The following LDLRAD4 variants were observed in gnomAD, a reference collection of about 807,000 sequenced individuals.
LDLRAD4 encodes the protein low density lipoprotein receptor class A domain containing 4, also known as low-density lipoprotein receptor class A domain-containing protein 4.
LDLRAD4 carries 5 observed loss-of-function variants against 17.0 expected under a neutral mutation model. The observed-to-expected ratio is 0.29, with a 90% CI of 0.15 to 0.62. The LOEUF (loss-of-function observed/expected upper bound fraction) is 0.62, where lower values mean the gene tolerates loss of function less well. Ranked by LOEUF, LDLRAD4 falls within the 20% of genes least tolerant of loss-of-function variation. The pLI is 0.84. For synonymous variants in LDLRAD4, 168 were observed against 171.8 expected, an observed-to-expected ratio of 0.98 and a Z score of 0.17; for missense variants, 340 against 424.7, an observed-to-expected ratio of 0.80 and a Z score of 1.75.
At position 13,321,250 on chromosome 18, in the gene LDLRAD4, C is replaced by G. The variant is rs74741533; in HGVS notation, c.-383+43062C>G. 1.5e-4 allele frequency among the ~76,000 whole-genome samples: 23 copies of G among 152,332 alleles called. No homozygotes were observed. In the East Asian group the frequency reaches 4.4e-3, roughly 29 times the overall value. ...CTCAGCCCTGCATCTCCCCCAGAGG[C>G]CTATGCGCGGTTTGGCTGCCCGGCC... On this transcript the variant is annotated intron_variant, in intron 1 of 5. Coordinates refer to ENST00000359446, the Ensembl canonical transcript of LDLRAD4.
intron 1 of LDLRAD4, among the ~76,000 whole-genome samples, chr18:13,219,887 G>C (rs2041357670): frequency 6.6e-6 from 1 of 152,172 alleles, no homozygotes; most frequent in Non-Finnish European, 1.5e-5. Context: ...TCTGTATATG[G>C]TATTGTCTTT....
intron 3 of LDLRAD4, among the ~76,000 whole-genome samples, chr18:13,477,986 C>A (rs566116824): frequency 3.3e-5 from 5 of 152,240 alleles, no homozygotes; most frequent in Non-Finnish European, 7.3e-5. Context: ...TTTTACTCAT[C>A]TGCTCCCACT....
intron 3 of LDLRAD4, chr18:13,472,264 G>A (rs2092798599): frequency 6.6e-6 from 1 of 152,310 alleles, no homozygotes; most frequent in Non-Finnish European, 1.5e-5. Context: ...AGATCCCAGG[G>A]CTGTCGAGCT....
At chr18:13,557,114 G>A (rs970924181) in intron 3 of LDLRAD4, among the ~76,000 whole-genome samples, 3 of 151,078 alleles carry the variant, frequency 2.0e-5, no homozygotes, top group South Asian at 2.1e-4. Context: ...AGCCAACACC[G>A]CAAACCCTAT....
rs148971574 is a variant in LDLRAD4 at position 13,569,583 on chromosome 18, C to A, written c.182-51534C>A. Among the ~76,000 whole-genome samples the A allele has an allele frequency of 1.6e-4, 24 of 152,272 alleles. No homozygotes were observed. The East Asian group carries it at 4.6e-3, about 29-fold the overall frequency. On this transcript the variant is annotated intron_variant, in intron 3 of 5. Transcript: ENST00000359446. ...TGATAGAAACGAATGATTGTACCAACAACTTAAATTTCCCTTGGGGCTGGG... is the reference window on the plus strand; with the variant it reads ...TGATAGAAACGAATGATTGTACCAAAAACTTAAATTTCCCTTGGGGCTGGG...
intron 3 of LDLRAD4, among the ~76,000 whole-genome samples, chr18:13,576,294 C>T (rs547031107): frequency 2.0e-5 from 3 of 151,826 alleles, no homozygotes; most frequent in South Asian, 2.1e-4. Context: ...TGGTGGCGGG[C>T]GCCTGTAGTC....
chr18:13,637,593 T>C (rs1160268887), intron 4 of LDLRAD4, among the ~76,000 whole-genome samples: 1 of 152,042 alleles, frequency 6.6e-6, no homozygotes, highest in Non-Finnish European at 1.5e-5. Context: ...AGGCTGGGCG[T>C]GGTGGCTCAG....
At chr18:13,451,700 C>G (rs755980105) in intron 3 of LDLRAD4, among the ~76,000 whole-genome samples, 1 of 152,124 alleles carries the variant, frequency 6.6e-6, no homozygotes, top group South Asian at 2.1e-4. Flanking sequence ...CAGTGTCTGG[C>G]GAGGGCTTGC....
intron 1 of LDLRAD4, among the ~76,000 whole-genome samples, chr18:13,379,825 T>A (rs2145056594): frequency 6.6e-6 from 1 of 152,270 alleles, no homozygotes; most frequent in East Asian, 1.9e-4. Flanking sequence ...ATGAGACAGC[T>A]CCCCCTCCCT....
chr18:13,612,381 GGT>G, intron 3 of LDLRAD4: 1 of 1,175,822 alleles, frequency 8.5e-7, no homozygotes, highest in East Asian at 4.9e-5. Context: ...TTCTCTGCTC[GGT>G]GACACGGCCG....
chr18:13,507,346 A>C (rs1174131115), intron 3 of LDLRAD4, among the ~76,000 whole-genome samples: 1 of 152,108 alleles, frequency 6.6e-6, no homozygotes, highest in East Asian at 1.9e-4. Context: ...AAGTCCCCAT[A>C]GTCCATTATA....
In LDLRAD4 at chr18:13,408,213, A is replaced by G. The variant is rs553586488; in HGVS notation, c.40+20451A>G. On this transcript the variant is annotated intron_variant, in intron 2 of 5. Coordinates refer to ENST00000359446, the Ensembl canonical transcript of LDLRAD4. ...ACATGGCGAAACCCCGTCTCTACAA[A>G]AAATACACAATTTAGCCAGGTGTGG... is the stretch of plus-strand genomic sequence containing the variant. 4.6e-5 allele frequency among the ~76,000 whole-genome samples: 7 copies of G among 152,080 alleles called. 1 individual carries two copies. The highest frequency in any genetic ancestry group is 1.7e-4 in the African/African-American group (7 of 41,474).
chr18:13,242,017 A>G (rs909819058), intron 1 of LDLRAD4: 4 of 152,276 alleles, frequency 2.6e-5, no homozygotes, highest in Admixed American at 6.5e-5. Flanking sequence ...GTCTACAAGC[A>G]CGGGGCTTCG....
intron 3 of LDLRAD4, among the ~76,000 whole-genome samples, chr18:13,507,694 C>G (rs1446926097): frequency 6.6e-6 from 1 of 152,116 alleles, no homozygotes; most frequent in Non-Finnish European, 1.5e-5. Flanking sequence ...CAAACCATAC[C>G]CATATAAGAC....
intron 3 of LDLRAD4, among the ~76,000 whole-genome samples, chr18:13,458,863 C>G (rs4796983): frequency 0.36 from 55,295 of 152,106 alleles, 11,252 homozygotes; most frequent in Non-Finnish European, 0.45. Flanking sequence ...GAAGGGGCCT[C>G]AAGCCAAGGA....
At chr18:13,443,711 T>G (rs1311639455) in intron 3 of LDLRAD4, among the ~76,000 whole-genome samples, 1 of 139,590 alleles carries the variant, frequency 7.2e-6, no homozygotes, top group Non-Finnish European at 1.6e-5. Context: ...CGTCGTCGTC[T>G]CCTCCTCCTC....
intron 1 of LDLRAD4, among the ~76,000 whole-genome samples, chr18:13,341,740 T>C (rs1281546539): frequency 1.3e-5 from 2 of 152,190 alleles, no homozygotes; most frequent in Admixed American, 1.3e-4. Flanking sequence ...TTTTCTTGCC[T>C]GATTGCTATG....
At chr18:13,580,902 T>C (rs1392787753) in intron 3 of LDLRAD4, among the ~76,000 whole-genome samples, 1 of 152,246 alleles carries the variant, frequency 6.6e-6, no homozygotes, top group Non-Finnish European at 1.5e-5. Flanking sequence ...CAGCGTCTGG[T>C]TTTGCAATTG....
At chr18:13,371,343 C>T (rs754875684) in intron 1 of LDLRAD4, among the ~76,000 whole-genome samples, 11 of 152,340 alleles carry the variant, frequency 7.2e-5, no homozygotes, top group Non-Finnish European at 1.6e-4. Flanking sequence ...GTGTTCCATG[C>T]CCTGCTGCTG....
Sources: gnomAD v4.1 joint callset for allele counts (sites outside exome capture counted in the v4.1 genomes callset) on GRCh38, gnomAD v4.1.1 for gene constraint, MANE v1.5 for transcripts, NCBI Gene and HGNC (gene_info 2026-07-23, HGNC 2026-07-21) for gene names.